The following RPTOR variants were observed in gnomAD, a reference collection of about 807,000 sequenced individuals.
RPTOR encodes the protein regulatory-associated protein of mTOR.
A neutral mutation model predicts 169.9 loss-of-function variants in RPTOR; 21 were observed. That is an observed-to-expected ratio of 0.12 (90% CI 0.09 to 0.18). The LOEUF is 0.18. RPTOR is among the 10% of genes least tolerant of loss of function. The pLI is 1.00. For missense variants in RPTOR, 1,133 were observed against 1,855.9 expected, an observed-to-expected ratio of 0.61 and a Z score of 7.16; for synonymous variants, 732 against 753.2, an observed-to-expected ratio of 0.97 and a Z score of 0.46.
intron 24 of RPTOR, among the ~76,000 whole-genome samples, chr17:80,938,435 T>G (rs1049430532): frequency 1.3e-5 from 2 of 152,256 alleles, no homozygotes; most frequent in African/African-American, 4.8e-5. Context: ...AAGTGCAATG[T>G]CTCTGTTCCT....
At chr17:80,687,799 C>T (rs1302427283) in intron 3 of RPTOR, among the ~76,000 whole-genome samples, 1 of 152,324 alleles carries the variant, frequency 6.6e-6, no homozygotes, top group East Asian at 1.9e-4. Flanking sequence ...AGTGTTTAAG[C>T]TTTAAAACGT....
At chr17:80,717,041 C>T (rs1260424650) in intron 4 of RPTOR, among the ~76,000 whole-genome samples, 5 of 152,106 alleles carry the variant, frequency 3.3e-5, no homozygotes, top group East Asian at 1.9e-4. Flanking sequence ...AGTCTTGCTT[C>T]GGCTATGCAG....
rs71163978 is a variant in RPTOR, at chr17:80,611,756, GTTT to G, written c.163-13924_163-13922del. Among the ~76,000 whole-genome samples, 647 of 132,264 alleles carry G rather than the reference GTTT, an allele frequency of 4.9e-3. 1 individual carries two copies. The highest frequency in any genetic ancestry group is 6.9e-3 in the Non-Finnish European group (430 of 62,762). 86.8% of individuals were successfully genotyped at this position (132,264 alleles called of 152,430 possible). A position where few individuals can be genotyped will look rare whatever the true frequency, so the allele number is the denominator to read the frequency against. ...TGTTTCAATAACATCTTTTATAGCTGTTTTTTTTTTTTTAAAAAAAACAAAATC... is the reference window on the plus strand; with the variant it reads ...TGTTTCAATAACATCTTTTATAGCTGTTTTTTTTTTAAAAAAAACAAAATC... On this transcript the variant is annotated intron_variant, in intron 1 of 33. Coordinates refer to ENST00000306801, the MANE Select transcript of RPTOR (RefSeq NM_020761.3).
At chr17:80,814,856 C>G (rs1256913962) in intron 7 of RPTOR, among the ~76,000 whole-genome samples, 3 of 152,120 alleles carry the variant, frequency 2.0e-5, no homozygotes, top group Admixed American at 6.5e-5. Flanking sequence ...AAAGGAGCAG[C>G]CCCAAGCAGG....
At chr17:80,938,521 T>G (rs556138089) in intron 24 of RPTOR, among the ~76,000 whole-genome samples, 1 of 152,350 alleles carries the variant, frequency 6.6e-6, no homozygotes, top group South Asian at 2.1e-4. Flanking sequence ...TCATTTCTTT[T>G]CTAATAAGCT....
In RPTOR at chr17:80,845,869, C is replaced by G. The variant is rs1001819496; in HGVS notation, c.1213-604C>G. 1.3e-5 allele frequency among the ~76,000 whole-genome samples: 2 copies of G among 152,182 alleles called. No homozygotes were observed. Among genetic ancestry groups the G allele is most frequent in the Admixed American group, 1.3e-4 (2 of 15,282 alleles). On this transcript the variant is annotated intron_variant, in intron 10 of 33. Coordinates refer to ENST00000306801, the MANE Select transcript of RPTOR (RefSeq NM_020761.3). The surrounding 1 kb of genome is among the most constrained non-coding windows in gnomAD (Gnocchi z 5.4). ...CTCTCCATCCTTATCTCGCCTGGCC[C>G]GGTGCTGGTTTGTGGCTCTGCCCTG...
chr17:80,703,597 T>G (rs914332604), intron 3 of RPTOR, among the ~76,000 whole-genome samples: 2 of 152,088 alleles, frequency 1.3e-5, no homozygotes, highest in Admixed American at 6.6e-5. Context: ...AAAAAAAGTT[T>G]TTTTTGAGTC....
At chr17:80,725,609 G>T (rs1312015755) in intron 4 of RPTOR, among the ~76,000 whole-genome samples, 1 of 152,144 alleles carries the variant, frequency 6.6e-6, no homozygotes, top group Non-Finnish European at 1.5e-5. Context: ...TCTACTGTGG[G>T]CGTTGTTTCT....
At position 80,676,263 on chromosome 17, in the gene RPTOR, GATGAATGGCGA is replaced by G. The variant is rs2065860857; in HGVS notation, c.349-31574_349-31564del. 2.0e-5 allele frequency among the ~76,000 whole-genome samples: 3 copies of G among 152,354 alleles called. No individual in the cohort carries two copies. In the South Asian group the frequency reaches 6.2e-4, roughly 32 times the overall value. On this transcript the variant is annotated intron_variant, in intron 3 of 33. Transcript: ENST00000306801. ...AGTAGGTTAGAAGTGGTTAAGTAAA[GATGAATGGCGA>G]ATGGGATTTGATTAAATGTAAAAGT...
chr17:80,630,160 C>T lies in RPTOR; in HGVS notation c.265+4367C>T, dbSNP rs539635483. On this transcript the variant is annotated intron_variant, in intron 2 of 33. Coordinates refer to ENST00000306801, the MANE Select transcript of RPTOR (RefSeq NM_020761.3). ...CTATAGTTCAGAAAACAGGGTCAGC[C>T]CTGAGTCTGAGTCTCCTAATTCCTT... 3.3e-5 allele frequency among the ~76,000 whole-genome samples: 5 copies of T among 152,296 alleles called. No homozygotes were observed. In the South Asian group the frequency reaches 1.0e-3, roughly 32 times the overall value.
intron 9 of RPTOR, among the ~76,000 whole-genome samples, chr17:80,830,012 A>G (rs2067486083): frequency 1.3e-5 from 2 of 152,206 alleles, no homozygotes; most frequent in African/African-American, 4.8e-5. Context: ...TTATATCATG[A>G]GCCAACTTTG....
intron 13 of RPTOR, among the ~76,000 whole-genome samples, chr17:80,864,751 C>T (rs1227995407): frequency 2.0e-5 from 3 of 152,088 alleles, no homozygotes; most frequent in Non-Finnish European, 4.4e-5. Flanking sequence ...GGATTTTTTT[C>T]TTTTTATTTA....
chr17:80,765,894 C>T (rs1567900651), intron 6 of RPTOR, among the ~76,000 whole-genome samples: 2 of 152,128 alleles, frequency 1.3e-5, no homozygotes, highest in Non-Finnish European at 2.9e-5. Context: ...GTCTTCCCTT[C>T]GAAGCTGGGA....
intron 27 of RPTOR, among the ~76,000 whole-genome samples, chr17:80,949,106 A>G (rs1287775420): frequency 1.3e-5 from 2 of 152,116 alleles, no homozygotes; most frequent in African/African-American, 4.8e-5. Context: ...GCCTCCCTCC[A>G]GGGAACCCGA....
At position 80,651,984 on chromosome 17, in the gene RPTOR, G is replaced by A. The variant is rs2065643469; in HGVS notation, c.348+8174G>A. Among the ~76,000 whole-genome samples the A allele has an allele frequency of 6.6e-6, 1 of 150,754 alleles. No individual in the cohort carries two copies. Among genetic ancestry groups the A allele is most frequent in the South Asian group, 2.1e-4 (1 of 4,760 alleles). ...GATCACGCCACTGCACTCCAGCCTG[G>A]GGCGACAGCGTGAGACTCCGTCTCA... On this transcript the variant is annotated intron_variant, in intron 3 of 33. Coordinates refer to ENST00000306801, the MANE Select transcript of RPTOR (RefSeq NM_020761.3). The surrounding 1 kb of genome is among the most constrained non-coding windows in gnomAD (Gnocchi z 4.1).
chr17:80,958,204 C>T (rs71368102), intron 29 of RPTOR, among the ~76,000 whole-genome samples: 15 of 16,440 alleles, frequency 9.1e-4, no homozygotes, highest in African/African-American at 2.8e-3. Context: ...CTCACCCCCC[C>T]CCCCCACCAC....
intron 6 of RPTOR, among the ~76,000 whole-genome samples, chr17:80,773,086 A>G (rs1451537380): frequency 1.3e-5 from 2 of 152,196 alleles, no homozygotes; most frequent in Non-Finnish European, 2.9e-5. Flanking sequence ...GCACTGGGCT[A>G]TTGGGAGGCA....
At chr17:80,589,502 A>G (rs921445813) in intron 1 of RPTOR, among the ~76,000 whole-genome samples, 9 of 152,126 alleles carry the variant, frequency 5.9e-5, no homozygotes, top group Non-Finnish European at 1.3e-4. Context: ...AAACATATTG[A>G]GGCTTTGATT....
At position 80,882,871 on chromosome 17, in the gene RPTOR, C is replaced by G. The variant is rs542951612; in HGVS notation, c.1585-548C>G. Among the ~76,000 whole-genome samples, 5 of 152,294 alleles carry G rather than the reference C, an allele frequency of 3.3e-5. No homozygotes were observed. The South Asian group carries it at 8.3e-4, about 25-fold the overall frequency. ...CCAAGAGGCGCGTAGGACACTAGAC[C>G]GCGCGACGTGTGTGTAAAAAACTAA... On this transcript the variant is annotated intron_variant, in intron 14 of 33. Transcript: ENST00000306801.
Sources: allele counts gnomAD v4.1 joint callset (sites outside exome capture counted in the v4.1 genomes callset), GRCh38; gene constraint gnomAD v4.1.1; non-coding constraint Gnocchi (gnomAD v3.1); transcripts MANE v1.5; gene names NCBI Gene and HGNC (gene_info 2026-07-23, HGNC 2026-07-21).